The following AR variants were observed in gnomAD, a reference collection of about 807,000 sequenced individuals.
AR encodes the protein androgen receptor.
Under a neutral mutation model 53.9 loss-of-function variants are expected in AR, and 8 were observed. The ratio of observed to expected loss-of-function variants is 0.15; its 90% CI spans 0.09 to 0.27. The LOEUF (loss-of-function observed/expected upper bound fraction) is 0.27. Among genes scored for constraint, AR ranks in the 10% least tolerant of loss-of-function variants. The pLI, the probability that AR is intolerant of heterozygous loss-of-function variation, is 1.00. For synonymous variants in AR, 359 were observed against 316.4 expected, an observed-to-expected ratio of 1.13 and a Z score of -1.43; for missense variants, 639 against 742.5, an observed-to-expected ratio of 0.86 and a Z score of 1.62.
At chrX:67,663,708 C>G (rs941879910) in intron 2 of AR, among the ~76,000 whole-genome samples, 2 of 112,266 alleles carry the variant, frequency 1.8e-5, no homozygotes, top group Non-Finnish European at 3.8e-5. Context: ...TGGATAATAT[C>G]CTACAGAGTG....
intron 1 of AR, among the ~76,000 whole-genome samples, chrX:67,638,013 C>T (rs1339520086): frequency 3.6e-5 from 4 of 110,527 alleles, no homozygotes; most frequent in African/African-American, 1.3e-4. Flanking sequence ...TGTGATGTTC[C>T]CTAGCCTGTG....
chrX:67,722,183 A>G (rs773498272), intron 6 of AR: 107 of 411,949 alleles, frequency 2.6e-4, no homozygotes, highest in African/African-American at 2.6e-3. Context: ...GTCAACCTCC[A>G]TCAGATTCCC....
intron 2 of AR, among the ~76,000 whole-genome samples, chrX:67,665,607 A>G (rs546555849): frequency 2.7e-5 from 3 of 111,230 alleles, no homozygotes; most frequent in African/African-American, 9.8e-5. Flanking sequence ...CTATGCTCCT[A>G]TGGGGTCCTA....
intron 1 of AR, among the ~76,000 whole-genome samples, chrX:67,595,374 CTT>C (rs759770085): frequency 3.7e-5 from 4 of 108,831 alleles, no homozygotes; most frequent in Admixed American, 9.8e-5. Flanking sequence ...AAAAAAAAAA[CTT>C]TTTAGAAAGA....
At chrX:67,618,314 A>G (rs1924211602) in intron 1 of AR, among the ~76,000 whole-genome samples, 1 of 111,562 alleles carries the variant, frequency 9.0e-6, no homozygotes, top group African/African-American at 3.2e-5. Context: ...GGGAAAAAAG[A>G]GAAGGTTTTC....
chrX:67,663,993 G>T (rs778080231), intron 2 of AR, among the ~76,000 whole-genome samples: 3 of 111,526 alleles, frequency 2.7e-5, no homozygotes, highest in Non-Finnish European at 5.7e-5. Context: ...GGACTTCTCT[G>T]CATTGGTTAT....
At chrX:67,598,452 T>A (rs1050786667) in intron 1 of AR, among the ~76,000 whole-genome samples, 1 of 110,631 alleles carries the variant, frequency 9.0e-6, no homozygotes, top group Admixed American at 9.6e-5. Context: ...AGCTAATTTT[T>A]GTATTTTTAG....
intron 1 of AR, among the ~76,000 whole-genome samples, chrX:67,596,083 C>A (rs931449985): frequency 9.1e-6 from 1 of 110,099 alleles, no homozygotes; most frequent in African/African-American, 3.3e-5. Flanking sequence ...AGCACCTCCC[C>A]CCTTGCTCTC....
In AR at chrX:67,686,118, C is replaced by G. The variant is rs2147497950; in HGVS notation, c.1877C>G (p.Thr626Ser). 1 of 1,208,096 alleles carries G rather than the reference C, an allele frequency of 8.3e-7. No homozygotes were observed. The highest frequency in any genetic ancestry group is 1.1e-6 in the Non-Finnish European group (1 of 892,652). The change falls in exon 3 of 8, where the codon ACT becomes AGT. Residue 626 changes from threonine (T) to serine (S), a missense_variant. Transcript: ENST00000374690. The part of the protein sequence containing the change: ...RLRKCYEAGM[T>S]LGARKLKKLG... The stretch of plus-strand genomic sequence containing the variant: ...CGGAAATGTTATGAAGCAGGGATGA[C>G]TCTGGGAGGTAAGATACTTTTCTTT...
At chrX:67,637,294 A>G (rs1289162056) in intron 1 of AR, among the ~76,000 whole-genome samples, 2 of 103,120 alleles carry the variant, frequency 1.9e-5, no homozygotes, top group Non-Finnish European at 4.0e-5. Flanking sequence ...GTCATTTAGC[A>G]TTAGGTATAT....
chrX:67,674,097 T>C (rs2075883890), intron 2 of AR, among the ~76,000 whole-genome samples: 1 of 109,197 alleles, frequency 9.2e-6, no homozygotes, highest in African/African-American at 3.3e-5. Flanking sequence ...GCCAGGAAAA[T>C]TCCCTGGATT....
At chrX:67,675,208 T>C (rs2075892375) in intron 2 of AR, among the ~76,000 whole-genome samples, 1 of 107,990 alleles carries the variant, frequency 9.3e-6, no homozygotes, top group Admixed American at 1.0e-4. Context: ...TCTCCTGTCT[T>C]CAAGCAGAAG....
chrX:67,579,738 C>T (rs1448588132), intron 1 of AR, among the ~76,000 whole-genome samples: 2 of 111,825 alleles, frequency 1.8e-5, no homozygotes, highest in Non-Finnish European at 3.8e-5. Flanking sequence ...CTGCTTTGAG[C>T]TCAAGCTCAC....
chrX:67,548,435 A>G lies in AR; in HGVS notation c.1616+1673A>G, dbSNP rs190807138. On this transcript the variant is annotated intron_variant, in intron 1 of 7. Coordinates refer to ENST00000374690, the MANE Select transcript of AR (RefSeq NM_000044.6). ...CAAAAAAAGTATTCTTCATTTTATAAGAACAAATTTACTTGGTAGGGTTAA... is the reference window on the plus strand; with the variant it reads ...CAAAAAAAGTATTCTTCATTTTATAGGAACAAATTTACTTGGTAGGGTTAA... Among the ~76,000 whole-genome samples the G allele has an allele frequency of 3.9e-3, 433 of 111,958 alleles. 2 individuals are homozygous for G. Among genetic ancestry groups the G allele is most frequent in the Non-Finnish European group, 3.6e-3 (193 of 53,249 alleles).
At chrX:67,659,052 A>G (rs1311596206) in intron 2 of AR, among the ~76,000 whole-genome samples, 1 of 110,739 alleles carries the variant, frequency 9.0e-6, no homozygotes, top group African/African-American at 3.3e-5. Flanking sequence ...AGACTCCAAC[A>G]TCATTACAGA....
At chrX:67,695,153 G>T in intron 3 of AR, 2 of 759,277 alleles carry the variant, frequency 2.6e-6, no homozygotes, top group Non-Finnish European at 3.1e-6. Flanking sequence ...GGGACTCAAG[G>T]TGTCACCTTG....
chrX:67,613,245 G>A (rs907956954), intron 1 of AR, among the ~76,000 whole-genome samples: 1 of 112,065 alleles, frequency 8.9e-6, no homozygotes, highest in Admixed American at 9.5e-5. Flanking sequence ...TGTGGAACAG[G>A]GGAGTCACTC....
chrX:67,597,849 T>C (rs1348822007), intron 1 of AR, among the ~76,000 whole-genome samples: 6 of 112,108 alleles, frequency 5.4e-5, no homozygotes, highest in Non-Finnish European at 9.4e-5. Flanking sequence ...CACTTTAAAA[T>C]TGGACAAAGA....
At chrX:67,696,204 G>T (rs2076020413) in intron 3 of AR, 1 of 649,959 alleles carries the variant, frequency 1.5e-6, no homozygotes, top group African/African-American at 2.5e-5. Context: ...TGTTCAGCTT[G>T]GACTGTTTCA....
Sources: allele counts gnomAD v4.1 joint callset (sites outside exome capture counted in the v4.1 genomes callset), GRCh38; gene constraint gnomAD v4.1.1; transcripts MANE v1.5; gene names NCBI Gene and HGNC (gene_info 2026-07-23, HGNC 2026-07-21).